The following JAKMIP1 variants were observed in gnomAD, a reference collection of about 807,000 sequenced individuals.
The protein encoded by JAKMIP1 is janus kinase and microtubule interacting protein 1, also known as janus kinase and microtubule-interacting protein 1.
A neutral mutation model predicts 113.0 loss-of-function variants in JAKMIP1; 33 were observed. The observed-to-expected ratio is 0.29, with a 90% CI of 0.22 to 0.39. JAKMIP1 has a LOEUF of 0.39. Among genes scored for constraint, JAKMIP1 ranks in the 10% least tolerant of loss-of-function variants. The pLI, the probability that JAKMIP1 is intolerant of heterozygous loss-of-function variation, is 1.00. For synonymous variants in JAKMIP1, 480 were observed against 459.9 expected, an observed-to-expected ratio of 1.04 and a Z score of -0.56; for missense variants, 813 against 1,080.5, an observed-to-expected ratio of 0.75 and a Z score of 3.47.
At position 6,029,691 on chromosome 4, in the gene JAKMIP1, G is replaced by T. The variant is rs1332132092; in HGVS notation, c.2445+25C>A. On this transcript the variant is annotated intron_variant, in intron 20 of 20. Transcript: ENST00000409021. ...AACATTTCATGGAAAGAAACCTGGG[G>T]ACAGTCTGAGCTGCAGTCACCTACC... 4.6e-6 allele frequency: 7 copies of T among 1,522,738 alleles called. No homozygotes were observed. The South Asian group carries it at 8.2e-5, about 18-fold the overall frequency. 94.3% of individuals were successfully genotyped at this position (1,522,738 alleles called of 1,614,324 possible).
chr4:6,146,691 A>C (rs868244357), intron 1 of JAKMIP1, among the ~76,000 whole-genome samples: 96 of 152,350 alleles, frequency 6.3e-4, no homozygotes, highest in Admixed American at 4.4e-3. Context: ...TAAGATGGTC[A>C]ATGTTATGTT....
chr4:6,068,277 T>C (rs1214088061), intron 8 of JAKMIP1, among the ~76,000 whole-genome samples: 5 of 152,148 alleles, frequency 3.3e-5, no homozygotes, highest in Non-Finnish European at 7.3e-5. Flanking sequence ...AGAGCAACCT[T>C]AGCAAACAGC....
chr4:6,117,647 C>G (rs577151406), intron 1 of JAKMIP1, among the ~76,000 whole-genome samples: 31 of 152,022 alleles, frequency 2.0e-4, no homozygotes, highest in African/African-American at 7.5e-4. Flanking sequence ...TTTCCTCTTC[C>G]TAATAAGCCT....
At chr4:6,098,546 A>AAG (rs71600558) in intron 3 of JAKMIP1, among the ~76,000 whole-genome samples, 2 of 46,488 alleles carry the variant, frequency 4.3e-5, no homozygotes, top group South Asian at 1.2e-3. Context: ...GAGAGAAAGA[A>AAG]AAAGAAAGAA....
At chr4:6,119,581 C>T (rs1024182741) in intron 1 of JAKMIP1, among the ~76,000 whole-genome samples, 2 of 152,010 alleles carry the variant, frequency 1.3e-5, no homozygotes, top group African/African-American at 2.4e-5. Context: ...AAAAAAAAAC[C>T]ACTCCTGGGA....
chr4:6,038,661 A>G (rs1578056098), intron 18 of JAKMIP1, among the ~76,000 whole-genome samples: 2 of 152,326 alleles, frequency 1.3e-5, no homozygotes, highest in East Asian at 1.9e-4. Flanking sequence ...ACCAACAAAC[A>G]TGATCACCTT....
chr4:6,194,490 C>T lies in JAKMIP1; in HGVS notation c.-148+5763G>A, dbSNP rs1423306864. On this transcript the variant is annotated intron_variant, in intron 1 of 20. Coordinates refer to ENST00000409021, the MANE Select transcript of JAKMIP1 (RefSeq NM_001099433.2). The surrounding 1 kb of genome is among the most constrained non-coding windows in gnomAD (Gnocchi z 7.4). ...GTAAAAGATAGTGGAAAGCTACTTACCAGCTCACTCCTTGCCTCCACTGTC... is the reference window on the plus strand; with the variant it reads ...GTAAAAGATAGTGGAAAGCTACTTATCAGCTCACTCCTTGCCTCCACTGTC... 1 of 152,088 alleles carries T rather than the reference C, an allele frequency of 6.6e-6. No individual in the cohort carries two copies. Among genetic ancestry groups the T allele is most frequent in the Non-Finnish European group, 1.5e-5 (1 of 68,056 alleles). The allele number at this position is 152,088 out of a possible 1,614,324, so 9.4% of individuals were successfully genotyped here.
In JAKMIP1 at chr4:6,192,306, C is replaced by T. The variant is rs1191067827; in HGVS notation, c.-148+7947G>A. 3.3e-5 allele frequency among the ~76,000 whole-genome samples: 5 copies of T among 152,138 alleles called. No homozygotes were observed. In the East Asian group the frequency reaches 7.7e-4, roughly 24 times the overall value. On this transcript the variant is annotated intron_variant, in intron 1 of 20. Coordinates refer to ENST00000409021, the MANE Select transcript of JAKMIP1 (RefSeq NM_001099433.2). The surrounding 1 kb of genome is among the most constrained non-coding windows in gnomAD (Gnocchi z 5.0). ...TGCAGTGCTCAATAGCCCCTACCGG[C>T]GAGTGGCTACTGGAATGGGACAGCT... is the stretch of plus-strand genomic sequence containing the variant.
chr4:6,066,917 C>T (rs1016779026), intron 8 of JAKMIP1, among the ~76,000 whole-genome samples: 1 of 152,190 alleles, frequency 6.6e-6, no homozygotes, highest in African/African-American at 2.4e-5. Context: ...ACCCCACACA[C>T]ACCTGCCATG....
At chr4:6,147,399 C>T (rs1018117969) in intron 1 of JAKMIP1, among the ~76,000 whole-genome samples, 4 of 152,174 alleles carry the variant, frequency 2.6e-5, no homozygotes, top group Non-Finnish European at 4.4e-5. Context: ...GTGCCAGTCA[C>T]GGAAACATGG....
intron 20 of JAKMIP1, among the ~76,000 whole-genome samples, chr4:6,027,097 G>T (rs1711950850): frequency 6.6e-6 from 1 of 151,960 alleles, no homozygotes; most frequent in Non-Finnish European, 1.5e-5. Context: ...GGGAAAGACG[G>T]TCTTAACGGG....
At chr4:6,062,522 CATAA>C (rs552000797) in intron 9 of JAKMIP1, 82 bp from the exon 10 acceptor site, 285 of 1,404,002 alleles carry the variant, frequency 2.0e-4, no homozygotes, top group East Asian at 4.3e-4. Flanking sequence ...TAATAATAAA[CATAA>C]ATAAACACTT....
At position 6,051,371 on chromosome 4, in the gene JAKMIP1, C is replaced by T. The variant is rs1028018964; in HGVS notation, c.1807-692G>A. Among the ~76,000 whole-genome samples the T allele has an allele frequency of 7.9e-5, 12 of 152,194 alleles. No individual in the cohort carries two copies. The highest frequency in any genetic ancestry group is 4.2e-4 in the South Asian group (2 of 4,806). On this transcript the variant is annotated intron_variant, in intron 13 of 20. Coordinates refer to ENST00000409021, the MANE Select transcript of JAKMIP1 (RefSeq NM_001099433.2). This position sits in a 1 kb window ranked among gnomAD's most constrained non-coding sequence, Gnocchi z 5.0. ...CCAAGTAGCTGGGATTACAGGCACG[C>T]GCCACCACACCGGGCTAATTTTGTA...
At chr4:6,071,020 T>C (rs1343377778) in intron 8 of JAKMIP1, among the ~76,000 whole-genome samples, 1 of 152,148 alleles carries the variant, frequency 6.6e-6, no homozygotes, top group South Asian at 2.1e-4. Context: ...CTTTGACAGA[T>C]ACCAAAGCAA....
At position 6,085,553 on chromosome 4, in the gene JAKMIP1, T is replaced by A. The variant is rs751106030; in HGVS notation, c.701A>T (p.Gln234Leu). The A allele has an allele frequency of 6.2e-7, 1 of 1,614,254 alleles. No individual in the cohort carries two copies. The highest frequency in any genetic ancestry group is 1.7e-5 in the Admixed American group (1 of 60,036). The change falls in exon 4 of 21, where the codon CAG becomes CTG. Residue 234 changes from glutamine (Q) to leucine (L), a missense_variant. Gln to Leu is a moderately radical substitution (Grantham distance 113). Transcript: ENST00000409021. ...KELGVQAGQT[Q>L]KLLLQKEALD... ...AGCCTCTTTCTGCAGAAGCAGCTTC[T>A]GGGTCTGCCCAGCCTGCACGCCAAG...
chr4:6,096,151 C>A (rs1184450724), intron 3 of JAKMIP1, among the ~76,000 whole-genome samples: 1 of 152,192 alleles, frequency 6.6e-6, no homozygotes, highest in Non-Finnish European at 1.5e-5. Flanking sequence ...AACAACCTGC[C>A]AAAGGCACCT....
intron 3 of JAKMIP1, among the ~76,000 whole-genome samples, chr4:6,098,768 AAAG>A (rs1297950836): frequency 3.3e-5 from 5 of 149,496 alleles, no homozygotes; most frequent in Non-Finnish European, 7.4e-5. Context: ...AAGAGAAAGA[AAAG>A]AAAGAAAGAA....
chr4:6,124,726 C>A (rs1438999572), intron 1 of JAKMIP1, among the ~76,000 whole-genome samples: 1 of 152,220 alleles, frequency 6.6e-6, no homozygotes, highest in East Asian at 1.9e-4. Flanking sequence ...GCCTGCTGTC[C>A]CCTGCAGGCC....
At position 6,167,901 on chromosome 4, in the gene JAKMIP1, T is replaced by G. The variant is rs1343880811; in HGVS notation, c.-148+32352A>C. Reference sequence around the variant, plus strand: ...GCTGGCTAGGACCAGTCAGGCTGACTGCGCCAGATCGCTGCACCAGTGAGA... The same window carrying G: ...GCTGGCTAGGACCAGTCAGGCTGACGGCGCCAGATCGCTGCACCAGTGAGA... On this transcript the variant is annotated intron_variant, in intron 1 of 20. Coordinates refer to ENST00000409021, the MANE Select transcript of JAKMIP1 (RefSeq NM_001099433.2). This position sits in a 1 kb window ranked among gnomAD's most constrained non-coding sequence, Gnocchi z 5.3. Among the ~76,000 whole-genome samples the G allele has an allele frequency of 6.6e-6, 1 of 152,232 alleles. No homozygotes were observed. Among genetic ancestry groups the G allele is most frequent in the African/African-American group, 2.4e-5 (1 of 41,462 alleles).
Sources: allele counts gnomAD v4.1 joint callset (sites outside exome capture counted in the v4.1 genomes callset), GRCh38; gene constraint gnomAD v4.1.1; non-coding constraint Gnocchi (gnomAD v3.1); transcripts MANE v1.5; gene names NCBI Gene and HGNC (gene_info 2026-07-23, HGNC 2026-07-21).